LAX1: variants seen among roughly 807,000 people sequenced by gnomAD.
The protein encoded by LAX1 is lymphocyte transmembrane adapter 1.
LAX1 carries 17 observed loss-of-function variants against 20.7 expected under a neutral mutation model. That is an observed-to-expected ratio of 0.82 (90% confidence interval 0.56 to 1.23). The LOEUF is 1.23. Among genes scored for constraint, LAX1 ranks in the 50% most tolerant of loss-of-function variants. The probability of loss-of-function intolerance (pLI) is 0.00; values close to 1 mark genes in which losing one functional copy is unlikely to be tolerated. For missense variants in LAX1, 470 were observed against 487.0 expected (o/e 0.97, Z 0.33); for synonymous variants, 165 against 181.0 (o/e 0.91, Z 0.71).
Position 203,774,712 on chromosome 1 carries a change from T to C in LAX1, c.*31T>C. 5 of 1,583,702 alleles carry C rather than the reference T, an allele frequency of 3.2e-6. No homozygotes were observed. Among genetic ancestry groups the C allele is most frequent in the Non-Finnish European group, 4.3e-6 (5 of 1,158,070 alleles). ...CAGGTACCCAGCCATAAAGCCACAT[T>C]GAGTAGTCTATCCCATAGGATTGAC... On this transcript the variant is annotated 3_prime_UTR_variant, in exon 5 of 5. Transcript: ENST00000442561.
At position 203,773,753 on chromosome 1, in the gene LAX1, C is replaced by G. The variant is rs1420525399; in HGVS notation, c.391-122C>G. ...TTATCATCACATTTGCACTGTTGCT[C>G]TTCTTTTTTTTTTTTTTTTTTTTTT... On this transcript the variant is annotated intron_variant, in intron 4 of 4. Transcript: ENST00000442561. 4 of 401,090 alleles carry G rather than the reference C, an allele frequency of 1.0e-5. No homozygotes were observed. In the Admixed American group the frequency reaches 2.4e-4, roughly 24 times the overall value. The allele number at this position is 401,090 out of a possible 1,614,324, so 24.8% of individuals were successfully genotyped here.
chr1:203,769,404 A>AG lies in LAX1; in HGVS notation c.90-1423dup, dbSNP rs369752682. Among the ~76,000 whole-genome samples, 398 of 76,040 alleles carry AG rather than the reference A, an allele frequency of 5.2e-3. 5 individuals carry two copies. Among genetic ancestry groups the AG allele is most frequent in the African/African-American group, 0.014 (366 of 25,974 alleles). 49.9% of individuals were successfully genotyped at this position (76,040 alleles called of 152,430 possible). ...GAGACTCTGTCTCAAAAAAAAAGAAAGAAAGAAAGAAAGAAAGAAAGAAAG... is the reference window on the plus strand; with the variant it reads ...GAGACTCTGTCTCAAAAAAAAAGAAAGGAAAGAAAGAAAGAAAGAAAGAAAG... On this transcript the variant is annotated intron_variant, in intron 1 of 4. Coordinates refer to ENST00000442561, the MANE Select transcript of LAX1 (RefSeq NM_017773.4).
At chr1:203,768,078 A>AG (rs1013870224) in intron 1 of LAX1, among the ~76,000 whole-genome samples, 4 of 152,202 alleles carry the variant, frequency 2.6e-5, no homozygotes, top group African/African-American at 9.6e-5. Flanking sequence ...TGGGAGGCCA[A>AG]GGTGGGCAGA....
intron 2 of LAX1, 75 bp from the exon 3 acceptor site, chr1:203,771,278 ATTTTCAGGGGCCAT>A: frequency 1.2e-6 from 1 of 862,780 alleles, no homozygotes; most frequent in Admixed American, 1.8e-5. Flanking sequence ...GATGGGGAGC[ATTTTCAGGGGCCAT>A]CTCATTCCCA....
At chr1:203,773,668 G>A (rs566668961) in intron 4 of LAX1, among the ~76,000 whole-genome samples, 2 of 146,776 alleles carry the variant, frequency 1.4e-5, no homozygotes, top group African/African-American at 2.5e-5. Flanking sequence ...TAATATTTTC[G>A]TCCCACCCGC....
Position 203,774,659 on chromosome 1 carries a change from C to T in LAX1, c.1175C>T (p.Thr392Ile), listed in dbSNP as rs775708931. 17 of 1,613,782 alleles carry T rather than the reference C, an allele frequency of 1.1e-5. No homozygotes were observed. Among genetic ancestry groups the T allele is most frequent in the Admixed American group, 8.3e-5 (5 of 59,988 alleles). Residue 392 changes from threonine to isoleucine, a missense_variant, in exon 5 of 5, where the codon ACT (threonine) becomes ATT (isoleucine). Transcript: ENST00000442561. ...GGRDSEQGPG[T>I]QLLPDE ...AGGGACTCTGAGCAGGGGCCTGGCA[C>T]TCAGCTCCTTCCTGATGAATGAAGA... is the stretch of plus-strand genomic sequence containing the variant.
At chr1:203,772,198 CG>C in intron 4 of LAX1, 51 bp downstream of exon 4, 1 of 1,398,032 alleles carries the variant, frequency 7.2e-7, no homozygotes, top group African/African-American at 1.4e-5. Context: ...AGAAGAACTG[CG>C]GGGAAAGAGT....
rs573148173 is a variant in LAX1 at position 203,768,441 on chromosome 1, A to T, written c.90-2387A>T. ...GAGATGACATTTGACGTTTCAGAAG[A>T]GACCTGAATGAGAGGGACTCAGCCA... On this transcript the variant is annotated intron_variant, in intron 1 of 4. Coordinates refer to ENST00000442561, the MANE Select transcript of LAX1 (RefSeq NM_017773.4). 2.8e-4 allele frequency among the ~76,000 whole-genome samples: 42 copies of T among 152,340 alleles called. 1 individual carries two copies. The highest frequency in any genetic ancestry group is 5.3e-4 in the Non-Finnish European group (36 of 68,022).
At chr1:203,770,278 T>C (rs1225256184) in intron 1 of LAX1, among the ~76,000 whole-genome samples, 1 of 151,268 alleles carries the variant, frequency 6.6e-6, no homozygotes, top group East Asian at 1.9e-4. Flanking sequence ...TAGCTGGGCC[T>C]CATGGCACGC....
At chr1:203,773,602 T>C (rs1667455263) in intron 4 of LAX1, among the ~76,000 whole-genome samples, 1 of 151,704 alleles carries the variant, frequency 6.6e-6, no homozygotes. Flanking sequence ...ACCTTTAGTC[T>C]AAGCCTCACC....
intron 1 of LAX1, among the ~76,000 whole-genome samples, chr1:203,767,978 TA>T (rs943373413): frequency 2.0e-4 from 30 of 151,376 alleles, no homozygotes; most frequent in Admixed American, 2.0e-3. Flanking sequence ...TTTTTTTAAA[TA>T]AAAAAATGAT....
chr1:203,771,120 T>C (rs769343456), intron 2 of LAX1, among the ~76,000 whole-genome samples, 183 bp downstream of exon 2: 4 of 152,236 alleles, frequency 2.6e-5, no homozygotes, highest in Non-Finnish European at 5.9e-5. Context: ...CCAGTGCTGA[T>C]GGAGTTCCCC....
intron 1 of LAX1, among the ~76,000 whole-genome samples, chr1:203,768,243 G>A (rs918246596): frequency 5.9e-5 from 9 of 152,180 alleles, no homozygotes; most frequent in African/African-American, 2.2e-4. Context: ...CCCAGGAGGG[G>A]GAGGTTGTGG....
chr1:203,769,117 G>A (rs1261640242), intron 1 of LAX1, among the ~76,000 whole-genome samples: 2 of 151,922 alleles, frequency 1.3e-5, no homozygotes, highest in Admixed American at 6.6e-5. Context: ...GGCTGGGCGC[G>A]GTGGCTCACA....
At chr1:203,771,856 A>G (rs1414519747) in intron 3 of LAX1, among the ~76,000 whole-genome samples, 1 of 152,110 alleles carries the variant, frequency 6.6e-6, no homozygotes, top group Non-Finnish European at 1.5e-5. Context: ...AACCCCTGTG[A>G]TAGCATCCTC....
Position 203,765,188 on chromosome 1 carries a change from G to C in LAX1, c.-378G>C. 5 of 664,306 alleles carry C rather than the reference G, an allele frequency of 7.5e-6. No individual in the cohort carries two copies. The highest frequency in any genetic ancestry group is 3.7e-5 in the South Asian group (2 of 54,440). The allele number at this position is 664,306 out of a possible 1,614,324, so 41.2% of individuals were successfully genotyped here. A position where few individuals can be genotyped will look rare whatever the true frequency, so the allele number is the denominator to read the frequency against. On this transcript the variant is annotated 5_prime_UTR_variant, in exon 1 of 5. Coordinates refer to ENST00000442561, the MANE Select transcript of LAX1 (RefSeq NM_017773.4). Reference sequence around the variant, plus strand: ...CAAAGTGGTTTGCTCTTTTCACTCTGCTTTGGGTGTTGAAGGAAGACGAGC... The same window carrying C: ...CAAAGTGGTTTGCTCTTTTCACTCTCCTTTGGGTGTTGAAGGAAGACGAGC...
Position 203,773,900 on chromosome 1 carries a change from A to T in LAX1, c.416A>T (p.Gln139Leu). The change falls in exon 5 of 5, where the codon CAG becomes CTG. Residue 139 changes from glutamine to leucine, a missense_variant. Transcript: ENST00000442561. ...HVPSQAGNAF[Q>L]EHTAHIHATE... ...CCCTCCCAAGCAGGCAATGCCTTCCAGGAGCATACAGCCCACATCCATGCC... is the reference window on the plus strand; with the variant it reads ...CCCTCCCAAGCAGGCAATGCCTTCCTGGAGCATACAGCCCACATCCATGCC... 6.2e-7 allele frequency: 1 copy of T among 1,612,644 alleles called. No homozygotes were observed. Among genetic ancestry groups the T allele is most frequent in the Non-Finnish European group, 8.5e-7 (1 of 1,179,636 alleles).
intron 3 of LAX1, among the ~76,000 whole-genome samples, chr1:203,771,781 G>A (rs887293343): frequency 3.4e-4 from 52 of 152,150 alleles, no homozygotes; most frequent in African/African-American, 1.3e-3. Flanking sequence ...CTCGGTGCCA[G>A]CATCACAGGC....
rs755974005 is a variant in LAX1 at position 203,775,178 on chromosome 1, T to A, written c.*497T>A. On this transcript the variant is annotated 3_prime_UTR_variant, in exon 5 of 5. Coordinates refer to ENST00000442561, the MANE Select transcript of LAX1 (RefSeq NM_017773.4). The stretch of plus-strand genomic sequence containing the variant: ...ATTTTGGTAGGCCGAGGAGGGCAGA[T>A]CACTTGGTGCCAGGAGTTCTAGACC... 6.0e-4 allele frequency: 94 copies of A among 156,316 alleles called. No homozygotes were observed. The highest frequency in any genetic ancestry group is 1.7e-3 in the Admixed American group (27 of 16,042). 9.7% of individuals were successfully genotyped at this position (156,316 alleles called of 1,614,324 possible). A position where few individuals can be genotyped will look rare whatever the true frequency, so the allele number is the denominator to read the frequency against.
Sources: gnomAD v4.1 joint callset for allele counts (sites outside exome capture counted in the v4.1 genomes callset) on GRCh38, gnomAD v4.1.1 for gene constraint, MANE v1.5 for transcripts, NCBI Gene and HGNC (gene_info 2026-07-23, HGNC 2026-07-21) for gene names.